MYO3B: variants seen among roughly 807,000 people sequenced by gnomAD.
MYO3B encodes myosin-IIIb.
In MYO3B, 156 loss-of-function variants were observed where a neutral mutation model predicts 174.6. The observed-to-expected ratio is 0.89, with a 90% CI of 0.78 to 1.02. The LOEUF (loss-of-function observed/expected upper bound fraction) is 1.02. Among genes scored for constraint, MYO3B ranks in the 50% least tolerant of loss-of-function variants. The probability of loss-of-function intolerance (pLI) is 0.00; values close to 1 mark genes in which losing one functional copy is unlikely to be tolerated. For missense variants in MYO3B, 1,632 were observed against 1,639.4 expected (o/e 1.00, Z 0.08); for synonymous variants, 563 against 569.1 (o/e 0.99, Z 0.15).
At chr2:170,299,515 A>C (rs1192175558) in intron 7 of MYO3B, among the ~76,000 whole-genome samples, 1 of 152,214 alleles carries the variant, frequency 6.6e-6, no homozygotes, top group African/African-American at 2.4e-5. Flanking sequence ...TACTTGCTAT[A>C]AGCCAGGCAC....
intron 33 of MYO3B, 63 bp downstream of exon 33, chr2:170,651,797 T>C: frequency 2.1e-6 from 3 of 1,412,650 alleles, no homozygotes; most frequent in Non-Finnish European, 2.0e-6. Context: ...AATTCTGTTA[T>C]TACTACCTGT....
At chr2:170,212,239 C>A (rs2092779140) in intron 3 of MYO3B, among the ~76,000 whole-genome samples, 2 of 108,020 alleles carry the variant, frequency 1.9e-5, no homozygotes, top group Non-Finnish European at 3.8e-5. Flanking sequence ...GTGAAACTCC[C>A]TCTCAAAAAA....
intron 9 of MYO3B, among the ~76,000 whole-genome samples, chr2:170,381,305 A>C (rs2094333841): frequency 6.6e-6 from 1 of 152,232 alleles, no homozygotes; most frequent in Admixed American, 6.5e-5. Context: ...TTTAAAAATC[A>C]TAATGTTTAA....
At chr2:170,433,044 C>T (rs927411371) in intron 22 of MYO3B, among the ~76,000 whole-genome samples, 1 of 152,136 alleles carries the variant, frequency 6.6e-6, no homozygotes, top group Admixed American at 6.5e-5. Context: ...CCCAGAGCAA[C>T]TTCTAGTCCC....
intron 32 of MYO3B, among the ~76,000 whole-genome samples, chr2:170,600,835 T>C (rs76472921): frequency 0.029 from 4,482 of 152,362 alleles, 98 homozygotes; most frequent in Middle Eastern, 0.051. Context: ...TACTTTTCTA[T>C]TAGTCCTTTA....
chr2:170,574,825 C>T (rs1260401545), intron 32 of MYO3B, among the ~76,000 whole-genome samples: 1 of 152,134 alleles, frequency 6.6e-6, no homozygotes, highest in Non-Finnish European at 1.5e-5. Flanking sequence ...ACTCTTACCC[C>T]TGTTTCACTG....
intron 30 of MYO3B, among the ~76,000 whole-genome samples, chr2:170,536,159 C>T (rs1048802643): frequency 1.5e-4 from 23 of 152,066 alleles, no homozygotes; most frequent in Non-Finnish European, 2.8e-4. Flanking sequence ...TATGGGCTCA[C>T]GGTTGGGGAA....
Position 170,651,737 on chromosome 2 carries a change from G to A in MYO3B, c.3840+3G>A, listed in dbSNP as rs775330309. ...CCATGTACTATAACCAGTTAAATGT[G>A]AGTTCAAAGTGGCCGTAAAGCTGTT... On this transcript the variant is annotated splice_donor_region_variant and intron_variant, in intron 33 of 34. Coordinates refer to ENST00000408978, the MANE Select transcript of MYO3B (RefSeq NM_138995.5). 8.7e-6 allele frequency: 14 copies of A among 1,611,882 alleles called. No homozygotes were observed. The highest frequency in any genetic ancestry group is 1.2e-5 in the Non-Finnish European group (14 of 1,178,216).
At chr2:170,623,631 G>C (rs1464654487) in intron 32 of MYO3B, among the ~76,000 whole-genome samples, 2 of 152,176 alleles carry the variant, frequency 1.3e-5, no homozygotes, top group Non-Finnish European at 2.9e-5. Context: ...TGGTGTTTTA[G>C]ACATGAAGTC....
At chr2:170,463,304 A>G in intron 23 of MYO3B, 64 bp from the exon 24 acceptor site, 1 of 1,448,514 alleles carries the variant, frequency 6.9e-7, no homozygotes, top group Non-Finnish European at 9.6e-7. Flanking sequence ...CGGATTTTGG[A>G]AGACATGGAG....
chr2:170,531,736 G>A (rs1240716607), intron 30 of MYO3B, among the ~76,000 whole-genome samples: 4 of 152,252 alleles, frequency 2.6e-5, no homozygotes, highest in African/African-American at 9.6e-5. Flanking sequence ...GATGACAAAA[G>A]AGTATAATCC....
chr2:170,598,376 G>T (rs1356093186), intron 32 of MYO3B, among the ~76,000 whole-genome samples: 2 of 152,210 alleles, frequency 1.3e-5, no homozygotes, highest in African/African-American at 4.8e-5. Context: ...TGGCACCATG[G>T]CCTGCCTCCA....
chr2:170,464,344 C>CAA (rs55671996), intron 24 of MYO3B, among the ~76,000 whole-genome samples: 13 of 98,106 alleles, frequency 1.3e-4, no homozygotes, highest in East Asian at 6.1e-4. Flanking sequence ...GACTCCCTCT[C>CAA]AAAAAAAAAA....
At chr2:170,239,395 C>T (rs2093106750) in intron 7 of MYO3B, among the ~76,000 whole-genome samples, 2 of 152,218 alleles carry the variant, frequency 1.3e-5, no homozygotes, top group Admixed American at 6.5e-5. Context: ...ACCCCCTTGA[C>T]TTCCATAGAG....
chr2:170,498,808 A>T, intron 26 of MYO3B, 105 bp downstream of exon 26: 1 of 728,566 alleles, frequency 1.4e-6, no homozygotes, highest in Non-Finnish European at 2.4e-6. Context: ...CTTAGCAAAC[A>T]AGACTCCAAC....
intron 3 of MYO3B, among the ~76,000 whole-genome samples, chr2:170,214,062 C>T (rs1574590483): frequency 6.6e-6 from 1 of 152,072 alleles, no homozygotes; most frequent in Non-Finnish European, 1.5e-5. Context: ...CTTTTTCTTT[C>T]CAAAAATATT....
chr2:170,579,812 C>G (rs2106298409), intron 32 of MYO3B, among the ~76,000 whole-genome samples: 1 of 152,318 alleles, frequency 6.6e-6, no homozygotes, highest in South Asian at 2.1e-4. Flanking sequence ...TGATGGATCC[C>G]CCAGTGCCTC....
intron 25 of MYO3B, among the ~76,000 whole-genome samples, chr2:170,487,924 A>G (rs950361888): frequency 6.6e-6 from 1 of 152,228 alleles, no homozygotes; most frequent in Non-Finnish European, 1.5e-5. Context: ...TCTCCCTTCC[A>G]TGAGTAAGAG....
rs762270723 is a variant in MYO3B at position 170,369,362 on chromosome 2, C to T, written c.956C>T (p.Pro319Leu). Residue 319 changes from proline to leucine, a missense_variant, in exon 9 of 35, where the codon CCT (proline) becomes CTT (leucine). By Grantham distance (98) the Pro-to-Leu change is moderately conservative (BLOSUM62 -3). Transcript: ENST00000408978. ...CTCCAAGACCAGAAGCATCAAAATC[C>T]TGTTGCTAAAACCAGGTACTGTACT... ...KVLQDQKHQN[P>L]VAKTRHERMH... 1.9e-6 allele frequency: 3 copies of T among 1,613,050 alleles called. No homozygotes were observed. The African/African-American group carries it at 4.0e-5, about 22-fold the overall frequency.
Sources: gnomAD v4.1 joint callset for allele counts (sites outside exome capture counted in the v4.1 genomes callset) on GRCh38, gnomAD v4.1.1 for gene constraint, MANE v1.5 for transcripts, NCBI Gene and HGNC (gene_info 2026-07-23, HGNC 2026-07-21) for gene names.